Variants in VPS13B observed in about 807,000 individuals in gnomAD.
The protein encoded by VPS13B is intermembrane lipid transfer protein VPS13B.
A neutral mutation model predicts 426.4 loss-of-function variants in VPS13B; 285 were observed. That is an observed-to-expected ratio of 0.67 (90% CI 0.61 to 0.74). VPS13B has a LOEUF of 0.74. Ranked by LOEUF, VPS13B falls within the 30% of genes least tolerant of loss-of-function variation. The probability of loss-of-function intolerance (pLI) is 0.00; values close to 1 mark genes in which losing one functional copy is unlikely to be tolerated. For synonymous variants in VPS13B, 1,676 were observed against 1,676.4 expected, an observed-to-expected ratio of 1.00 and a Z score of 0.01; for missense variants, 4,537 against 4,782.6, an observed-to-expected ratio of 0.95 and a Z score of 1.51.
At chr8:99,809,630 C>A in intron 44 of VPS13B, 100 bp downstream of exon 44, 1 of 1,373,380 alleles carries the variant, frequency 7.3e-7, no homozygotes. Flanking sequence ...GTGGTTATGC[C>A]TAGTTATATC....
intron 35 of VPS13B, among the ~76,000 whole-genome samples, chr8:99,666,294 C>T (rs886892821): frequency 2.6e-5 from 4 of 152,148 alleles, no homozygotes; most frequent in African/African-American, 9.7e-5. Flanking sequence ...GGGAATCCTC[C>T]GTAACTCATT....
chr8:99,672,339 G>T (rs1830749429), intron 35 of VPS13B, among the ~76,000 whole-genome samples: 1 of 151,994 alleles, frequency 6.6e-6, no homozygotes, highest in South Asian at 2.1e-4. Flanking sequence ...CACATCCTTG[G>T]TTAAATGTAT....
At chr8:99,412,547 A>G (rs1449669474) in intron 21 of VPS13B, among the ~76,000 whole-genome samples, 1 of 151,920 alleles carries the variant, frequency 6.6e-6, no homozygotes, top group Non-Finnish European at 1.5e-5. Flanking sequence ...GTCTTCCTAC[A>G]TGAATACCCT....
chr8:99,588,300 G>A (rs1399925621), intron 33 of VPS13B, among the ~76,000 whole-genome samples: 1 of 151,650 alleles, frequency 6.6e-6, no homozygotes, highest in Non-Finnish European at 1.5e-5. Flanking sequence ...TGGCAATGAG[G>A]GCTCTTTTTT....
At position 99,502,879 on chromosome 8, in the gene VPS13B, A is replaced by G; in HGVS notation, c.4086A>G (p.Ile1362Met). 1 of 1,613,614 alleles carries G rather than the reference A, an allele frequency of 6.2e-7. No homozygotes were observed. Residue 1362 changes from isoleucine (I) to methionine (M), a missense_variant, in exon 27 of 62, where the codon ATA (isoleucine) becomes ATG (methionine). Physicochemically the swap from Ile to Met is conservative, Grantham distance 10. Transcript: ENST00000357162. Reference sequence around the variant, plus strand: ...AACTAGAAGATCTCAGTGCTTCCATAGATGTCCAGGATGTATATACCAAAG... The same window carrying G: ...AACTAGAAGATCTCAGTGCTTCCATGGATGTCCAGGATGTATATACCAAAG... The part of the protein sequence containing the change: ...VSELEDLSAS[I>M]DVQDVYTKVK...
chr8:99,547,717 A>C (rs1470112882), intron 30 of VPS13B, among the ~76,000 whole-genome samples: 1 of 152,168 alleles, frequency 6.6e-6, no homozygotes, highest in Non-Finnish European at 1.5e-5. Flanking sequence ...ATCCTCCTAC[A>C]CCACCTGCTG....
chr8:99,037,267 TA>T (rs894026517), intron 2 of VPS13B, among the ~76,000 whole-genome samples: 9 of 150,910 alleles, frequency 6.0e-5, no homozygotes, highest in Middle Eastern at 3.4e-3. Flanking sequence ...AGCTGACCTT[TA>T]AAAAAAAACC....
At chr8:99,472,252 C>G (rs1819451376) in intron 24 of VPS13B, among the ~76,000 whole-genome samples, 1 of 152,014 alleles carries the variant, frequency 6.6e-6, no homozygotes, top group Admixed American at 6.6e-5. Flanking sequence ...ACTATGCACT[C>G]ACCTTGATCT....
intron 19 of VPS13B, among the ~76,000 whole-genome samples, chr8:99,278,950 G>C (rs1292624967): frequency 6.6e-6 from 1 of 152,152 alleles, no homozygotes; most frequent in Non-Finnish European, 1.5e-5. Flanking sequence ...TATTTTTCAG[G>C]GGAACCATTT....
At chr8:99,093,120 G>T (rs1481901353) in intron 3 of VPS13B, among the ~76,000 whole-genome samples, 1 of 151,784 alleles carries the variant, frequency 6.6e-6, no homozygotes, top group Non-Finnish European at 1.5e-5. Flanking sequence ...TAAATTTTAT[G>T]ATGTAGAGAG....
chr8:99,707,641 A>G (rs914475006), intron 36 of VPS13B, among the ~76,000 whole-genome samples: 5 of 152,220 alleles, frequency 3.3e-5, no homozygotes, highest in South Asian at 2.1e-4. Flanking sequence ...ACTTAGTCTC[A>G]GACAAATTCA....
At chr8:99,841,837 G>A (rs536279397) in intron 54 of VPS13B, among the ~76,000 whole-genome samples, 7 of 152,186 alleles carry the variant, frequency 4.6e-5, no homozygotes, top group South Asian at 4.2e-4. Flanking sequence ...TAGCCATAGC[G>A]CCTTAATAGG....
chr8:99,121,471 A>G, intron 8 of VPS13B, 26 bp downstream of exon 8: 3 of 1,610,752 alleles, frequency 1.9e-6, no homozygotes, highest in Non-Finnish European at 2.5e-6. Context: ...TGCTGTTTAT[A>G]TCTCTATCAA....
chr8:99,860,678 T>C (rs1388255827), intron 57 of VPS13B, among the ~76,000 whole-genome samples: 1 of 152,240 alleles, frequency 6.6e-6, no homozygotes, highest in Admixed American at 6.5e-5. Context: ...CATTTCTTCC[T>C]GAAACTGGAC....
chr8:99,022,191 C>G (rs1841932552), intron 2 of VPS13B, among the ~76,000 whole-genome samples: 1 of 150,482 alleles, frequency 6.6e-6, no homozygotes, highest in African/African-American at 2.4e-5. Flanking sequence ...TTCTAGTTTC[C>G]TGAGTTGGAA....
chr8:99,784,176 G>C, intron 42 of VPS13B, 139 bp from the exon 43 acceptor site: 1 of 1,036,784 alleles, frequency 9.6e-7, no homozygotes. Context: ...TGGCAGTATA[G>C]AATACTTTGT....
intron 22 of VPS13B, among the ~76,000 whole-genome samples, chr8:99,436,364 G>T (rs151051696): frequency 6.6e-6 from 1 of 152,058 alleles, no homozygotes; most frequent in Non-Finnish European, 1.5e-5. Flanking sequence ...TTAATTGTAA[G>T]TTATGATAGT....
At chr8:99,646,149 A>G (rs1829567405) in intron 34 of VPS13B, among the ~76,000 whole-genome samples, 1 of 152,214 alleles carries the variant, frequency 6.6e-6, no homozygotes, top group Admixed American at 6.5e-5. Flanking sequence ...AGTTAAAGGC[A>G]TCATAAGTTA....
At chr8:99,404,384 G>A (rs1220443137) in intron 21 of VPS13B, among the ~76,000 whole-genome samples, 1 of 152,116 alleles carries the variant, frequency 6.6e-6, no homozygotes, top group East Asian at 1.9e-4. Context: ...AATTCTGAAT[G>A]TCACATAGTG....
Sources: allele counts gnomAD v4.1 joint callset (sites outside exome capture counted in the v4.1 genomes callset), GRCh38; gene constraint gnomAD v4.1.1; transcripts MANE v1.5; gene names NCBI Gene and HGNC (gene_info 2026-07-23, HGNC 2026-07-21).